Variants in ZNF609 observed in about 807,000 individuals in gnomAD.
ZNF609 encodes zinc finger protein 609.
A neutral mutation model predicts 109.5 loss-of-function variants in ZNF609; 11 were observed. The observed-to-expected ratio is 0.10, with a 90% CI of 0.06 to 0.17. The LOEUF is 0.17. Ranked by LOEUF, ZNF609 falls within the 10% of genes least tolerant of loss-of-function variation. ZNF609 has a pLI of 1.00. For missense variants in ZNF609, 1,559 were observed against 1,772.4 expected (o/e 0.88, Z 2.16); for synonymous variants, 646 against 662.0 (o/e 0.98, Z 0.37).
intron 4 of ZNF609, chr15:64,671,266 C>G (rs1230321565): frequency 6.7e-6 from 1 of 150,204 alleles, no homozygotes; most frequent in Non-Finnish European, 1.5e-5. Context: ...TCAGCGGGTG[C>G]TCACTTCAGT....
chr15:64,555,399 G>T (rs900795180), intron 2 of ZNF609, among the ~76,000 whole-genome samples: 1 of 151,724 alleles, frequency 6.6e-6, no homozygotes, highest in East Asian at 1.9e-4. Context: ...GTGCAGTGGC[G>T]CACGCCTGTA....
intron 2 of ZNF609, among the ~76,000 whole-genome samples, chr15:64,548,263 C>T (rs1319875724): frequency 6.6e-6 from 1 of 152,194 alleles, no homozygotes; most frequent in Non-Finnish European, 1.5e-5. Context: ...TTTACCATCT[C>T]ACTTAGGAAT....
At chr15:64,646,335 A>C (rs775277692) in intron 3 of ZNF609, among the ~76,000 whole-genome samples, 1 of 152,044 alleles carries the variant, frequency 6.6e-6, no homozygotes, top group Non-Finnish European at 1.5e-5. Context: ...CTCTAGAAAA[A>C]AATACAAAAT....
intron 3 of ZNF609, among the ~76,000 whole-genome samples, chr15:64,624,104 G>T (rs904559550): frequency 6.6e-6 from 1 of 152,136 alleles, no homozygotes; most frequent in Non-Finnish European, 1.5e-5. Flanking sequence ...AAAGTTTACC[G>T]TGCAATAGGT....
intron 2 of ZNF609, among the ~76,000 whole-genome samples, chr15:64,542,748 A>T (rs1008177862): frequency 6.6e-6 from 1 of 151,518 alleles, no homozygotes; most frequent in East Asian, 1.9e-4. Context: ...AACAATATCC[A>T]CCCTCCTTCT....
chr15:64,513,695 A>C (rs1036728410), intron 2 of ZNF609, among the ~76,000 whole-genome samples: 1 of 152,210 alleles, frequency 6.6e-6, no homozygotes, highest in South Asian at 2.1e-4. Context: ...TGAGAGCTAG[A>C]CTATATTAAT....
At chr15:64,656,094 C>T (rs1370280260) in intron 3 of ZNF609, among the ~76,000 whole-genome samples, 1 of 151,970 alleles carries the variant, frequency 6.6e-6, no homozygotes, top group East Asian at 1.9e-4. Context: ...GACTGAGTCT[C>T]ACTCTGTCAC....
chr15:64,631,497 G>A (rs1199431628), intron 3 of ZNF609: 9 of 691,312 alleles, frequency 1.3e-5, no homozygotes, highest in South Asian at 2.8e-5. Flanking sequence ...TTATAGATTC[G>A]CATATACATG....
chr15:64,615,184 G>A (rs1048778977), intron 2 of ZNF609, among the ~76,000 whole-genome samples: 2 of 151,826 alleles, frequency 1.3e-5, no homozygotes, highest in African/African-American at 2.4e-5. Flanking sequence ...AGAGTGCAGT[G>A]GTAGTACCTT....
chr15:64,530,442 A>G (rs1745058919), intron 2 of ZNF609, among the ~76,000 whole-genome samples: 1 of 152,220 alleles, frequency 6.6e-6, no homozygotes, highest in African/African-American at 2.4e-5. Context: ...TGCAATTACA[A>G]AGGTTATAAT....
intron 3 of ZNF609, among the ~76,000 whole-genome samples, chr15:64,649,382 A>G (rs1293853105): frequency 6.6e-6 from 1 of 152,080 alleles, no homozygotes; most frequent in Non-Finnish European, 1.5e-5. Flanking sequence ...TCACACATAC[A>G]CACACACTCT....
intron 3 of ZNF609, among the ~76,000 whole-genome samples, 157 bp downstream of exon 3, chr15:64,623,209 G>C (rs1895904610): frequency 6.6e-6 from 1 of 152,220 alleles, no homozygotes; most frequent in South Asian, 2.1e-4. Flanking sequence ...AGCAGACTTA[G>C]CAAAATTTCC....
chr15:64,632,035 A>G (rs1896089595), intron 3 of ZNF609: 1 of 152,152 alleles, frequency 6.6e-6, no homozygotes, highest in Non-Finnish European at 1.5e-5. Flanking sequence ...GTGTGTATAT[A>G]TATATATTTT....
intron 1 of ZNF609, among the ~76,000 whole-genome samples, chr15:64,489,397 G>T (rs1013699161): frequency 6.6e-6 from 1 of 151,280 alleles, no homozygotes; most frequent in African/African-American, 2.4e-5. Context: ...GGCCAGGCTG[G>T]TCTTGAACTC....
chr15:64,600,145 C>T (rs1895470236), intron 2 of ZNF609, among the ~76,000 whole-genome samples: 2 of 152,092 alleles, frequency 1.3e-5, no homozygotes, highest in Non-Finnish European at 2.9e-5. Context: ...CAGCGAAACC[C>T]CATCTCTAAA....
intron 2 of ZNF609, among the ~76,000 whole-genome samples, chr15:64,522,876 AT>A (rs1392334391): frequency 1.3e-5 from 2 of 151,576 alleles, no homozygotes; most frequent in African/African-American, 4.9e-5. Flanking sequence ...TTTCTGTGTA[AT>A]TTTCTATATG....
intron 2 of ZNF609, among the ~76,000 whole-genome samples, chr15:64,615,740 G>A (rs1042432888): frequency 1.3e-5 from 2 of 152,138 alleles, no homozygotes; most frequent in Non-Finnish European, 2.9e-5. Flanking sequence ...ACCTGCCTCG[G>A]CCTCTTAAAG....
intron 2 of ZNF609, among the ~76,000 whole-genome samples, chr15:64,550,339 G>T (rs1894445580): frequency 6.6e-6 from 1 of 151,928 alleles, no homozygotes; most frequent in South Asian, 2.1e-4. Context: ...TGTTGTTGTT[G>T]TTGTTGTTGT....
chr15:64,550,776 C>T (rs964846463), intron 2 of ZNF609, among the ~76,000 whole-genome samples: 8 of 142,176 alleles, frequency 5.6e-5, no homozygotes, highest in Admixed American at 4.6e-4. Flanking sequence ...GTGGAAATTG[C>T]AGTGAGCCGA....
Sources: allele counts gnomAD v4.1 joint callset (sites outside exome capture counted in the v4.1 genomes callset), GRCh38; gene constraint gnomAD v4.1.1; transcripts MANE v1.5; gene names NCBI Gene and HGNC (gene_info 2026-07-23, HGNC 2026-07-21).